Variants in HIPK2 observed in about 807,000 individuals in gnomAD.
HIPK2 encodes homeodomain interacting protein kinase 2.
In HIPK2, 27 loss-of-function variants were observed where a neutral mutation model predicts 113.7. The observed-to-expected ratio is 0.24, with a 90% CI of 0.17 to 0.33. The LOEUF is 0.33. HIPK2 is among the 10% of genes least tolerant of loss of function. HIPK2 has a pLI of 1.00. For missense variants in HIPK2, 1,257 were observed against 1,588.0 expected (o/e 0.79, Z 3.54); for synonymous variants, 631 against 642.2 (o/e 0.98, Z 0.26).
intron 13 of HIPK2, among the ~76,000 whole-genome samples, chr7:139,577,286 T>C (rs1798524909): frequency 6.6e-6 from 1 of 151,820 alleles, no homozygotes; most frequent in African/African-American, 2.4e-5. Flanking sequence ...GTAGCTGGGA[T>C]TACAGGCACC....
At chr7:139,760,009 T>G (rs1356902967) in intron 1 of HIPK2, among the ~76,000 whole-genome samples, 1 of 151,986 alleles carries the variant, frequency 6.6e-6, no homozygotes, top group African/African-American at 2.4e-5. Context: ...CTAGTTGTTT[T>G]TTTTTTTTTC....
At chr7:139,664,986 A>G (rs1316122463) in intron 2 of HIPK2, among the ~76,000 whole-genome samples, 1 of 151,920 alleles carries the variant, frequency 6.6e-6, no homozygotes, top group African/African-American at 2.4e-5. Context: ...CAGTTTCCAA[A>G]GGCTTAAAAT....
intron 13 of HIPK2, among the ~76,000 whole-genome samples, chr7:139,581,320 C>T (rs1050907653): frequency 5.3e-5 from 8 of 152,132 alleles, no homozygotes; most frequent in African/African-American, 1.9e-4. Context: ...GTCGGTGAGT[C>T]GGGTGAAGGC....
At chr7:139,740,812 C>T (rs1166075657) in intron 1 of HIPK2, among the ~76,000 whole-genome samples, 1 of 152,228 alleles carries the variant, frequency 6.6e-6, no homozygotes, top group African/African-American at 2.4e-5. Flanking sequence ...AACAAACACT[C>T]ACACTTCATG....
At chr7:139,592,669 G>C (rs534353646) in intron 12 of HIPK2, among the ~76,000 whole-genome samples, 3 of 152,340 alleles carry the variant, frequency 2.0e-5, no homozygotes, top group African/African-American at 7.2e-5. Context: ...AAGATAGCAG[G>C]GGGGTCTGGA....
chr7:139,760,969 T>C (rs1315225599), intron 1 of HIPK2, among the ~76,000 whole-genome samples: 2 of 152,214 alleles, frequency 1.3e-5, no homozygotes, highest in South Asian at 2.1e-4. Flanking sequence ...GGGGTCTCAC[T>C]GCCTAAAAGT....
intron 1 of HIPK2, among the ~76,000 whole-genome samples, chr7:139,732,249 G>A (rs1479854411): frequency 6.6e-6 from 1 of 152,110 alleles, no homozygotes; most frequent in Non-Finnish European, 1.5e-5. Flanking sequence ...CCCTTGGCAG[G>A]GCAACCAGTG....
intron 11 of HIPK2, among the ~76,000 whole-genome samples, chr7:139,598,887 G>A (rs1381026046): frequency 6.6e-6 from 1 of 152,214 alleles, no homozygotes; most frequent in Non-Finnish European, 1.5e-5. Flanking sequence ...TGACATGGGT[G>A]AGCTGTCACA....
At chr7:139,622,442 G>A (rs766429418) in intron 6 of HIPK2, among the ~76,000 whole-genome samples, 2 of 152,194 alleles carry the variant, frequency 1.3e-5, no homozygotes, top group South Asian at 4.1e-4. Context: ...TGGGCTTAAA[G>A]CATTTGGTTT....
intron 10 of HIPK2, 139 bp downstream of exon 10, chr7:139,603,942 C>A (rs1799526219): frequency 8.8e-7 from 1 of 1,131,494 alleles, no homozygotes. Context: ...ATAGTCCACA[C>A]AATATTTTTA....
chr7:139,748,943 C>G (rs777939233), intron 1 of HIPK2, among the ~76,000 whole-genome samples: 79 of 152,336 alleles, frequency 5.2e-4, no homozygotes, highest in Admixed American at 1.6e-3. Context: ...CAGGCAGAAG[C>G]TAACACCACA....
intron 12 of HIPK2, among the ~76,000 whole-genome samples, chr7:139,584,360 C>T (rs1280171423): frequency 2.0e-5 from 3 of 152,202 alleles, no homozygotes; most frequent in Non-Finnish European, 4.4e-5. Context: ...TGCAGCAGAG[C>T]TCAGCAGAGC....
At position 139,561,973 on chromosome 7, in the gene HIPK2, TG is replaced by T. The variant is rs1310150537; in HGVS notation, c.*10953del. The T allele has an allele frequency of 6.6e-6, 1 of 152,172 alleles. No individual in the cohort carries two copies. Among genetic ancestry groups the T allele is most frequent in the Non-Finnish European group, 1.5e-5 (1 of 68,042 alleles). The allele number at this position is 152,172 out of a possible 1,614,324, so 9.4% of individuals were successfully genotyped here. ...CACAAGCATTTTAGTAGCAAGGACT[TG>T]ATCAGTTAAGAATTAGTTTTCTTGT... On this transcript the variant is annotated 3_prime_UTR_variant, in exon 15 of 15. Coordinates refer to ENST00000406875, the MANE Select transcript of HIPK2 (RefSeq NM_022740.5).
intron 2 of HIPK2, among the ~76,000 whole-genome samples, chr7:139,704,989 T>C (rs1794846625): frequency 6.6e-6 from 1 of 152,190 alleles, no homozygotes; most frequent in Non-Finnish European, 1.5e-5. Context: ...TCTCCCCAAA[T>C]GCTGGGCCCT....
chr7:139,638,109 G>A (rs1474681932), intron 2 of HIPK2, among the ~76,000 whole-genome samples: 5 of 152,124 alleles, frequency 3.3e-5, no homozygotes, highest in East Asian at 3.9e-4. Flanking sequence ...ACGCCCTCTA[G>A]AGCCTCCACC....
intron 2 of HIPK2, among the ~76,000 whole-genome samples, chr7:139,699,071 C>T (rs988772740): frequency 1.4e-4 from 22 of 152,112 alleles, no homozygotes; most frequent in African/African-American, 5.1e-4. Flanking sequence ...TGCCACGATC[C>T]GAACAACCTG....
At chr7:139,717,587 A>C (rs1795286096) in intron 1 of HIPK2, among the ~76,000 whole-genome samples, 1 of 152,190 alleles carries the variant, frequency 6.6e-6, no homozygotes, top group Non-Finnish European at 1.5e-5. Flanking sequence ...AGTTGGTCTG[A>C]CGTTTTTCAT....
chr7:139,700,382 A>G (rs958236572), intron 2 of HIPK2, among the ~76,000 whole-genome samples: 2 of 152,214 alleles, frequency 1.3e-5, no homozygotes, highest in Non-Finnish European at 2.9e-5. Context: ...GATGGGGACA[A>G]TAAGGCTGCA....
At chr7:139,608,433 T>C (rs906714290) in intron 9 of HIPK2, among the ~76,000 whole-genome samples, 1 of 150,670 alleles carries the variant, frequency 6.6e-6, no homozygotes, top group Non-Finnish European at 1.5e-5. Flanking sequence ...AAGGATGGGA[T>C]AGAGCAGAGG....
Sources: allele counts gnomAD v4.1 joint callset (sites outside exome capture counted in the v4.1 genomes callset), GRCh38; gene constraint gnomAD v4.1.1; transcripts MANE v1.5; gene names NCBI Gene and HGNC (gene_info 2026-07-23, HGNC 2026-07-21).